UPF3A: variants seen among roughly 807,000 people sequenced by gnomAD.
The protein encoded by UPF3A is UPF3A regulator of nonsense mediated mRNA decay.
In UPF3A, 42 loss-of-function variants were observed where a neutral mutation model predicts 53.5. The ratio of observed to expected loss-of-function variants is 0.78; its 90% CI spans 0.61 to 1.01. The LOEUF is 1.01. UPF3A is among the 50% of genes least tolerant of loss of function. UPF3A has a pLI of 0.00. For synonymous variants in UPF3A, 237 were observed against 225.3 expected (o/e 1.05, Z -0.47); for missense variants, 575 against 598.0 (o/e 0.96, Z 0.40).
At chr13:114,301,352 A>G (rs2086588204) in intron 8 of UPF3A, among the ~76,000 whole-genome samples, 1 of 151,630 alleles carries the variant, frequency 6.6e-6, no homozygotes, top group Non-Finnish European at 1.5e-5. Flanking sequence ...AGTCCCAGCT[A>G]CTCGGGAGGC....
intron 9 of UPF3A, among the ~76,000 whole-genome samples, chr13:114,303,259 C>T (rs1362923982): frequency 2.0e-5 from 3 of 152,156 alleles, no homozygotes; most frequent in Non-Finnish European, 2.9e-5. Flanking sequence ...TAGGGCGTTG[C>T]TCATAGGAGT....
At chr13:114,282,405 C>G (rs1370495260) in intron 2 of UPF3A, 1 of 1,207,382 alleles carries the variant, frequency 8.3e-7, no homozygotes, top group Non-Finnish European at 1.0e-6. Context: ...GTTGCCCGCC[C>G]GGCGCCTCCC....
intron 3 of UPF3A, among the ~76,000 whole-genome samples, chr13:114,284,535 A>T (rs1221134567): frequency 8.4e-6 from 1 of 118,556 alleles, no homozygotes. Flanking sequence ...TGTCTCTACT[A>T]AAAAAAAAAA....
chr13:114,290,798 A>G (rs2085201080), intron 5 of UPF3A, among the ~76,000 whole-genome samples: 1 of 150,080 alleles, frequency 6.7e-6, no homozygotes, highest in Admixed American at 6.7e-5. Flanking sequence ...CAGTGGCGCA[A>G]TCTCGGCTCA....
chr13:114,304,743 G>C, intron 9 of UPF3A, 46 bp from the exon 10 acceptor site: 2 of 1,603,622 alleles, frequency 1.2e-6, no homozygotes, highest in Non-Finnish European at 1.7e-6. Flanking sequence ...TGACCCTTCT[G>C]TGTTGCTACC....
chr13:114,299,039 A>G, intron 8 of UPF3A, 39 bp downstream of exon 8: 1 of 1,536,878 alleles, frequency 6.5e-7, no homozygotes, highest in Non-Finnish European at 8.7e-7. Flanking sequence ...GTCAGCTCCC[A>G]GTCATGGTGA....
Position 114,291,570 on chromosome 13 carries a change from C to T in UPF3A, c.687+26C>T, listed in dbSNP as rs200322344. 86 of 1,606,332 alleles carry T rather than the reference C, an allele frequency of 5.4e-5. No individual in the cohort carries two copies. The African/African-American group carries it at 9.3e-4, about 17-fold the overall frequency. ...GTAGGTCTGGCCTTTACCTGATGAA[C>T]ACCCTCCCTGCTTCTGCCATTCTCA... On this transcript the variant is annotated intron_variant, in intron 6 of 9. Transcript: ENST00000375299.
chr13:114,288,574 C>A (rs537990390), intron 5 of UPF3A, among the ~76,000 whole-genome samples: 1 of 152,160 alleles, frequency 6.6e-6, no homozygotes, highest in African/African-American at 2.4e-5. Context: ...CATTTAGATT[C>A]ATTCCAGGGC....
intron 9 of UPF3A, among the ~76,000 whole-genome samples, chr13:114,302,291 A>C (rs2086671951): frequency 6.6e-6 from 1 of 152,182 alleles, no homozygotes; most frequent in African/African-American, 2.4e-5. Flanking sequence ...TGAGAATAAG[A>C]TTATTAAATT....
chr13:114,298,404 G>C (rs1377237760), intron 7 of UPF3A, among the ~76,000 whole-genome samples: 4 of 152,062 alleles, frequency 2.6e-5, no homozygotes, highest in Non-Finnish European at 4.4e-5. Context: ...GACGGGTATG[G>C]TGGCGCATGC....
At position 114,286,393 on chromosome 13, in the gene UPF3A, C is replaced by T. The variant is rs773447969; in HGVS notation, c.513C>T (p.Ile171=). The T allele has an allele frequency of 1.2e-5, 19 of 1,614,194 alleles. No individual in the cohort carries two copies. Among genetic ancestry groups the T allele is most frequent in the Admixed American group, 5.0e-5 (3 of 60,020 alleles). The change falls in exon 4 of 10, where the codon ATC becomes ATT. Residue 171 remains isoleucine (I), a synonymous_variant. Transcript: ENST00000375299. Reference sequence around the variant, plus strand: ...AAAAAGATGCCAAGACTGGAAGCATCGAAGATGGTGAGCCCTTTCCAAGTG... The same window carrying T: ...AAAAAGATGCCAAGACTGGAAGCATTGAAGATGGTGAGCCCTTTCCAAGTG... The part of the protein sequence containing the change: ...LRKKDAKTGS[I]EDDPEYKKFL...
chr13:114,304,021 G>A lies in UPF3A; in HGVS notation c.1303-768G>A, dbSNP rs369277240. Among the ~76,000 whole-genome samples the A allele has an allele frequency of 3.9e-5, 6 of 152,224 alleles. No homozygotes were observed. In the East Asian group the frequency reaches 1.2e-3, roughly 29 times the overall value. ...GCGCATGAGATGTACCCACATGGTC[G>A]TCCTTGCAGCCCACACTTGGGCTCC... On this transcript the variant is annotated intron_variant, in intron 9 of 9. Transcript: ENST00000375299.
intron 2 of UPF3A, chr13:114,282,565 C>T (rs1422991578): frequency 2.1e-5 from 21 of 985,470 alleles, no homozygotes; most frequent in Non-Finnish European, 2.5e-5. Flanking sequence ...CCACGGGTTC[C>T]TCTGGGAGTG....
In UPF3A at chr13:114,282,887, A is replaced by G; in HGVS notation, c.365A>G (p.Asp122Gly). The G allele has an allele frequency of 6.2e-7, 1 of 1,612,500 alleles. No individual in the cohort carries two copies. ...GCATACATTAATTTTAGGAATCCTG[A>G]TGACATCCTTCTTTTTAGAGATCGT... ...SRAYINFRNPDDILLFRDRFD... is the reference protein window; with the variant it reads ...SRAYINFRNPGDILLFRDRFD... Residue 122 changes from aspartate (D) to glycine (G), a missense_variant, in exon 3 of 10, where the codon GAT becomes GGT. Transcript: ENST00000375299.
chr13:114,286,630 G>C lies in UPF3A; in HGVS notation c.631+1G>C. 3 of 1,608,320 alleles carry C rather than the reference G, an allele frequency of 1.9e-6. No individual in the cohort carries two copies. Among genetic ancestry groups the C allele is most frequent in the South Asian group, 2.2e-5 (2 of 89,804 alleles). On this transcript the variant is annotated splice_donor_variant, in intron 5 of 9. Transcript: ENST00000375299. LOFTEE classifies it high-confidence loss of function. ...GAGGCGAAGACAAGAGAGCTCATTG[G>C]TCTGTTTTGCTCATTTCTTCTCTTT...
Position 114,291,478 on chromosome 13 carries a change from T to C in UPF3A, c.632-11T>C. 1 of 1,591,142 alleles carries C rather than the reference T, an allele frequency of 6.3e-7. No homozygotes were observed. Among genetic ancestry groups the C allele is most frequent in the Non-Finnish European group, 8.5e-7 (1 of 1,170,388 alleles). ...GGAGTTAAATACAATATTACAATTT[T>C]TGTGTTTTAGCTAGAAGAACCACAC... On this transcript the variant is annotated splice_polypyrimidine_tract_variant and intron_variant, in intron 5 of 9. Coordinates refer to ENST00000375299, the MANE Select transcript of UPF3A (RefSeq NM_023011.4).
intron 5 of UPF3A, among the ~76,000 whole-genome samples, chr13:114,288,128 A>T (rs949327069): frequency 2.6e-5 from 4 of 152,254 alleles, no homozygotes; most frequent in African/African-American, 9.6e-5. Context: ...TGATCACTAA[A>T]GTAAACAAAA....
intron 9 of UPF3A, 50 bp from the exon 10 acceptor site, chr13:114,304,739 T>C: frequency 6.2e-7 from 1 of 1,600,826 alleles, no homozygotes; most frequent in Non-Finnish European, 8.5e-7. Context: ...ATATTGACCC[T>C]TCTGTGTTGC....
rs2085925901 is a variant in UPF3A at position 114,295,802 on chromosome 13, G to GAC, written c.847-3038_847-3037insAC. 7.9e-5 allele frequency among the ~76,000 whole-genome samples: 12 copies of GAC among 152,308 alleles called. No individual in the cohort carries two copies. The South Asian group carries it at 1.9e-3, about 24-fold the overall frequency. On this transcript the variant is annotated intron_variant, in intron 7 of 9. Coordinates refer to ENST00000375299, the MANE Select transcript of UPF3A (RefSeq NM_023011.4). ...GTCTCATTCACAGCCATTCCCTAGT[G>GAC]CCTAGCACAGGGTCTTAGGCCCTGG...
Sources: gnomAD v4.1 joint callset for allele counts (sites outside exome capture counted in the v4.1 genomes callset) on GRCh38, gnomAD v4.1.1 for gene constraint, MANE v1.5 for transcripts, NCBI Gene and HGNC (gene_info 2026-07-23, HGNC 2026-07-21) for gene names.